The following HCK variants were observed in gnomAD, a reference collection of about 807,000 sequenced individuals.
The protein encoded by HCK is HCK proto-oncogene, Src family tyrosine kinase.
In HCK, 40 loss-of-function variants were observed where a neutral mutation model predicts 70.4. That is an observed-to-expected ratio of 0.57 (90% CI 0.44 to 0.74). HCK has a LOEUF of 0.74. Ranked by LOEUF, HCK falls within the 30% of genes least tolerant of loss-of-function variation. The pLI is 0.00. For synonymous variants in HCK, 245 were observed against 263.2 expected (o/e 0.93, Z 0.67); for missense variants, 568 against 697.2 (o/e 0.81, Z 2.09).
chr20:32,070,162 C>T (rs565992602), intron 1 of HCK, among the ~76,000 whole-genome samples: 2 of 152,198 alleles, frequency 1.3e-5, no homozygotes, highest in African/African-American at 4.8e-5. Context: ...TCTCTGCCCC[C>T]ACACTACCCT....
chr20:32,076,584 G>A (rs1422279113), intron 5 of HCK, among the ~76,000 whole-genome samples: 1 of 152,156 alleles, frequency 6.6e-6, no homozygotes, highest in Non-Finnish European at 1.5e-5. Flanking sequence ...AACATGAATG[G>A]GGGGTTATCA....
At chr20:32,065,733 T>C (rs1007789594) in intron 1 of HCK, among the ~76,000 whole-genome samples, 1 of 152,186 alleles carries the variant, frequency 6.6e-6, no homozygotes, top group African/African-American at 2.4e-5. Context: ...CCAGAGGATA[T>C]GGGATTCTCT....
intron 1 of HCK, among the ~76,000 whole-genome samples, chr20:32,060,464 G>A (rs377392775): frequency 3.3e-5 from 5 of 151,998 alleles, no homozygotes; most frequent in Admixed American, 6.6e-5. Context: ...CAGGTGATCC[G>A]CCTGCTGACC....
chr20:32,097,245 A>G (rs1421276971), intron 11 of HCK, among the ~76,000 whole-genome samples: 2 of 151,744 alleles, frequency 1.3e-5, no homozygotes. Flanking sequence ...ATGTCACTGC[A>G]CTCCAGCCTG....
intron 5 of HCK, among the ~76,000 whole-genome samples, chr20:32,079,498 T>C (rs1009005987): frequency 1.3e-5 from 2 of 152,200 alleles, no homozygotes; most frequent in Non-Finnish European, 2.9e-5. Context: ...TGCTGTATTA[T>C]TTTTCTTAAA....
intron 12 of HCK, among the ~76,000 whole-genome samples, chr20:32,099,581 C>T (rs1320176200): frequency 6.6e-6 from 1 of 152,076 alleles, no homozygotes; most frequent in Non-Finnish European, 1.5e-5. Context: ...TGGTCTCGAA[C>T]TGCTGACCTT....
chr20:32,070,970 G>T (rs1261562707), intron 1 of HCK, among the ~76,000 whole-genome samples: 1 of 112,586 alleles, frequency 8.9e-6, no homozygotes, highest in Non-Finnish European at 1.7e-5. Context: ...AGGAGGGGGA[G>T]CAGGAAGGAA....
intron 1 of HCK, among the ~76,000 whole-genome samples, chr20:32,060,109 T>TG (rs956964927): frequency 6.6e-6 from 1 of 152,106 alleles, no homozygotes; most frequent in Non-Finnish European, 1.5e-5. Flanking sequence ...AGGGGGAAAC[T>TG]TCCACTCAGC....
At chr20:32,059,308 CT>C (rs2045328529) in intron 1 of HCK, among the ~76,000 whole-genome samples, 1 of 151,702 alleles carries the variant, frequency 6.6e-6, no homozygotes, top group African/African-American at 2.4e-5. Flanking sequence ...TCCCTCCCTC[CT>C]TTCTTTTCTT....
Position 32,071,624 on chromosome 20 carries a change from T to G in HCK, c.63-38T>G, listed in dbSNP as rs563595564. Reference sequence around the variant, plus strand: ...CAGAAGACTTCCCCGCATGAGGCTCTTGGTAACTGGGGCTCACCTCCCTTC... The same window carrying G: ...CAGAAGACTTCCCCGCATGAGGCTCGTGGTAACTGGGGCTCACCTCCCTTC... On this transcript the variant is annotated intron_variant, in intron 1 of 12. Transcript: ENST00000375852. The G allele has an allele frequency of 2.5e-6, 4 of 1,607,308 alleles. No individual in the cohort carries two copies. In the African/African-American group the frequency reaches 5.3e-5, roughly 21 times the overall value.
At chr20:32,097,496 G>GT (rs1480079359) in intron 11 of HCK, among the ~76,000 whole-genome samples, 1 of 151,894 alleles carries the variant, frequency 6.6e-6, no homozygotes, top group Non-Finnish European at 1.5e-5. Context: ...GGAGAATGGC[G>GT]TGAAAGCCGG....
chr20:32,060,107 A>G (rs1022051950), intron 1 of HCK, among the ~76,000 whole-genome samples: 3 of 152,080 alleles, frequency 2.0e-5, no homozygotes, highest in Non-Finnish European at 4.4e-5. Context: ...GGAGGGGGAA[A>G]CTTCCACTCA....
intron 1 of HCK, among the ~76,000 whole-genome samples, chr20:32,066,139 A>T (rs2122503268): frequency 6.6e-6 from 1 of 151,802 alleles, no homozygotes; most frequent in East Asian, 1.9e-4. Context: ...GGGCTACATA[A>T]ACCTCTTTCT....
chr20:32,077,018 A>T (rs2045637034), intron 5 of HCK, among the ~76,000 whole-genome samples: 1 of 152,132 alleles, frequency 6.6e-6, no homozygotes, highest in Non-Finnish European at 1.5e-5. Flanking sequence ...TGGGAGGCAG[A>T]GGTTGCAGTG....
chr20:32,056,596 G>A (rs577718022), intron 1 of HCK, among the ~76,000 whole-genome samples: 27 of 151,666 alleles, frequency 1.8e-4, no homozygotes, highest in African/African-American at 6.0e-4. Flanking sequence ...CATTCCCACC[G>A]TAATATACAA....
intron 5 of HCK, among the ~76,000 whole-genome samples, chr20:32,079,191 A>G (rs1296323780): frequency 6.6e-6 from 1 of 152,228 alleles, no homozygotes; most frequent in African/African-American, 2.4e-5. Flanking sequence ...CCTAAGTATA[A>G]AATTCTTTCC....
chr20:32,074,807 C>A, intron 5 of HCK, 86 bp downstream of exon 5: 1 of 883,444 alleles, frequency 1.1e-6, no homozygotes. Flanking sequence ...ACACACTGTA[C>A]CACTGCCTGG....
intron 1 of HCK, among the ~76,000 whole-genome samples, chr20:32,065,594 T>C (rs1197559272): frequency 9.9e-5 from 15 of 152,228 alleles, no homozygotes; most frequent in Admixed American, 7.2e-4. Context: ...TCCAGGTTCC[T>C]ACATCTCAAC....
At chr20:32,091,626 G>A (rs79345290) in intron 10 of HCK, among the ~76,000 whole-genome samples, 12,196 of 151,622 alleles carry the variant, frequency 0.08, 942 homozygotes, top group African/African-American at 0.2. Context: ...TCCCCATTTC[G>A]TCCCCACCCC....
Sources: allele counts gnomAD v4.1 joint callset (sites outside exome capture counted in the v4.1 genomes callset), GRCh38; gene constraint gnomAD v4.1.1; transcripts MANE v1.5; gene names NCBI Gene and HGNC (gene_info 2026-07-23, HGNC 2026-07-21).